ATXN1: variants seen among roughly 807,000 people sequenced by gnomAD.
The protein encoded by ATXN1 is ataxin 1.
ATXN1 carries 8 observed loss-of-function variants against 56.4 expected under a neutral mutation model. That is an observed-to-expected ratio of 0.14 (90% confidence interval 0.08 to 0.26). The LOEUF (loss-of-function observed/expected upper bound fraction) is 0.26. Ranked by LOEUF, ATXN1 falls within the 10% of genes least tolerant of loss-of-function variation. The pLI is 1.00. For missense variants in ATXN1, 987 were observed against 1,106.5 expected, an observed-to-expected ratio of 0.89 and a Z score of 1.53; for synonymous variants, 514 against 494.6, an observed-to-expected ratio of 1.04 and a Z score of -0.52.
intron 2 of ATXN1, among the ~76,000 whole-genome samples, chr6:16,726,391 A>AT: frequency 6.6e-6 from 1 of 152,058 alleles, no homozygotes; most frequent in South Asian, 2.1e-4. Flanking sequence ...AAAAAAAAAA[A>AT]AAAAAAGGGA....
At chr6:16,559,986 T>C (rs6915458) in intron 4 of ATXN1, among the ~76,000 whole-genome samples, 7,825 of 152,168 alleles carry the variant, frequency 0.051, 246 homozygotes, top group Admixed American at 0.069. Flanking sequence ...CACCCCACCA[T>C]CACAGGAGAC....
At chr6:16,322,397 G>T (rs766858507) in intron 7 of ATXN1, among the ~76,000 whole-genome samples, 1 of 151,132 alleles carries the variant, frequency 6.6e-6, no homozygotes, top group Non-Finnish European at 1.5e-5. Flanking sequence ...CTTTCCCTGG[G>T]GGTGTGATGT....
chr6:16,436,252 G>A (rs1052098208), intron 6 of ATXN1, among the ~76,000 whole-genome samples: 3 of 152,116 alleles, frequency 2.0e-5, no homozygotes, highest in African/African-American at 7.2e-5. Flanking sequence ...ACTCATAGTA[G>A]TTGCTGAATA....
At chr6:16,671,309 C>CT (rs1004376884) in intron 2 of ATXN1, among the ~76,000 whole-genome samples, 6,125 of 29,670 alleles carry the variant, frequency 0.21, 305 homozygotes, top group African/African-American at 0.45. Flanking sequence ...TCTTTTCTTT[C>CT]TTTTTTTTTT....
At chr6:16,485,221 C>A (rs1760521576) in intron 6 of ATXN1, 1 of 152,092 alleles carries the variant, frequency 6.6e-6, no homozygotes, top group Admixed American at 6.6e-5. Flanking sequence ...GTGACACAGT[C>A]CAGCAACAAG....
At chr6:16,557,095 G>A (rs776903946) in intron 4 of ATXN1, among the ~76,000 whole-genome samples, 1 of 152,094 alleles carries the variant, frequency 6.6e-6, no homozygotes, top group Non-Finnish European at 1.5e-5. Flanking sequence ...AGGGCGAGGT[G>A]GGCAGATCAC....
intron 6 of ATXN1, among the ~76,000 whole-genome samples, chr6:16,366,913 A>G (rs2113484009): frequency 6.6e-6 from 1 of 152,346 alleles, no homozygotes; most frequent in South Asian, 2.1e-4. Context: ...GAGCTATGAA[A>G]TGGGGAACTT....
chr6:16,441,731 A>T (rs1388118561), intron 6 of ATXN1, among the ~76,000 whole-genome samples: 1 of 152,192 alleles, frequency 6.6e-6, no homozygotes, highest in Non-Finnish European at 1.5e-5. Flanking sequence ...CATTTTCTAG[A>T]TGAAGACCAA....
chr6:16,688,452 T>C (rs972030657), intron 2 of ATXN1, among the ~76,000 whole-genome samples: 1 of 152,184 alleles, frequency 6.6e-6, no homozygotes, highest in African/African-American at 2.4e-5. Flanking sequence ...GTTCAAAGCT[T>C]CCCTAGTTGA....
intron 2 of ATXN1, among the ~76,000 whole-genome samples, chr6:16,660,668 C>A (rs937513397): frequency 6.6e-6 from 1 of 151,968 alleles, no homozygotes; most frequent in Non-Finnish European, 1.5e-5. Context: ...TGTTTCAAAT[C>A]AAATAAAATC....
chr6:16,729,569 TG>T (rs1399814370), intron 2 of ATXN1, among the ~76,000 whole-genome samples: 1 of 152,176 alleles, frequency 6.6e-6, no homozygotes, highest in Admixed American at 6.5e-5. Context: ...GCAACTTAAA[TG>T]AGGCAATAAC....
At chr6:16,691,554 G>C (rs1183046145) in intron 2 of ATXN1, among the ~76,000 whole-genome samples, 1 of 152,172 alleles carries the variant, frequency 6.6e-6, no homozygotes, top group Non-Finnish European at 1.5e-5. Flanking sequence ...CTGTTAAGTA[G>C]GTACTATTAG....
intron 6 of ATXN1, among the ~76,000 whole-genome samples, chr6:16,477,737 G>C (rs1205799265): frequency 6.6e-6 from 1 of 152,170 alleles, no homozygotes; most frequent in Non-Finnish European, 1.5e-5. Context: ...CTTTGAGATC[G>C]CCTAACATCT....
intron 4 of ATXN1, among the ~76,000 whole-genome samples, chr6:16,541,739 GA>G (rs1408020253): frequency 6.6e-6 from 1 of 152,184 alleles, no homozygotes; most frequent in African/African-American, 2.4e-5. Context: ...GAGTGTTACA[GA>G]ACGTCTGAGC....
At chr6:16,580,922 T>C (rs1762516258) in intron 4 of ATXN1, among the ~76,000 whole-genome samples, 1 of 152,172 alleles carries the variant, frequency 6.6e-6, no homozygotes, top group Non-Finnish European at 1.5e-5. Context: ...AAGGGCATAT[T>C]TATGCTGAAA....
chr6:16,590,819 G>A lies in ATXN1; in HGVS notation c.-488-4912C>T, dbSNP rs532525351. 5.3e-5 allele frequency among the ~76,000 whole-genome samples: 8 copies of A among 150,952 alleles called. No homozygotes were observed. In the South Asian group the frequency reaches 6.4e-4, roughly 12 times the overall value. On this transcript the variant is annotated intron_variant, in intron 3 of 7. Transcript: ENST00000436367. ...TGGGTAGCTGGGACTACAGGCACAC[G>A]CCACCATGCCTGGCTAATTTTTTAA...
intron 5 of ATXN1, among the ~76,000 whole-genome samples, chr6:16,503,586 T>C (rs985986231): frequency 2.0e-5 from 3 of 152,324 alleles, no homozygotes; most frequent in South Asian, 2.1e-4. Context: ...CTGGTAATTA[T>C]TGTTCATATG....
At chr6:16,748,672 C>G (rs1398661003) in intron 2 of ATXN1, among the ~76,000 whole-genome samples, 1 of 152,206 alleles carries the variant, frequency 6.6e-6, no homozygotes, top group African/African-American at 2.4e-5. Context: ...GCGTCTCATA[C>G]ATTAGATGCT....
At chr6:16,724,033 T>C (rs1428905616) in intron 2 of ATXN1, among the ~76,000 whole-genome samples, 3 of 152,222 alleles carry the variant, frequency 2.0e-5, no homozygotes, top group African/African-American at 4.8e-5. Flanking sequence ...ATCTTTCTCA[T>C]GTTAATAACA....
Sources: allele counts gnomAD v4.1 joint callset (sites outside exome capture counted in the v4.1 genomes callset), GRCh38; gene constraint gnomAD v4.1.1; transcripts MANE v1.5; gene names NCBI Gene and HGNC (gene_info 2026-07-23, HGNC 2026-07-21).